The following KIF4A variants were observed in gnomAD, a reference collection of about 807,000 sequenced individuals.
The protein encoded by KIF4A is kinesin family member 4A.
A neutral mutation model predicts 105.9 loss-of-function variants in KIF4A; 7 were observed. That is an observed-to-expected ratio of 0.07 (90% CI 0.04 to 0.12). KIF4A has a LOEUF of 0.12. KIF4A is among the 10% of genes least tolerant of loss of function. The pLI is 1.00. For missense variants in KIF4A, 558 were observed against 929.2 expected, an observed-to-expected ratio of 0.60 and a Z score of 5.19; for synonymous variants, 281 against 331.3, an observed-to-expected ratio of 0.85 and a Z score of 1.65.
chrX:70,360,180 G>A (rs895250307), intron 15 of KIF4A, among the ~76,000 whole-genome samples: 1 of 112,091 alleles, frequency 8.9e-6, no homozygotes, highest in Non-Finnish European at 1.9e-5. Flanking sequence ...ACTCCTAGCT[G>A]ATTTCTTTTT....
intron 18 of KIF4A, 24 bp from the exon 19 acceptor site, chrX:70,386,594 A>T (rs763366576): frequency 3.4e-5 from 38 of 1,129,118 alleles, no homozygotes; most frequent in Non-Finnish European, 4.5e-5. Context: ...AACAGCAATT[A>T]ATATCTGACT....
chrX:70,365,330 A>G (rs1205476614), intron 15 of KIF4A, among the ~76,000 whole-genome samples: 1 of 111,644 alleles, frequency 9.0e-6, no homozygotes, highest in Non-Finnish European at 1.9e-5. Flanking sequence ...CAGTTTTCAA[A>G]GGGAATGCTT....
intron 15 of KIF4A, among the ~76,000 whole-genome samples, chrX:70,360,557 C>T (rs754405543): frequency 3.5e-5 from 4 of 113,328 alleles, no homozygotes; most frequent in Non-Finnish European, 7.5e-5. Flanking sequence ...GCCACGTCAA[C>T]AAGCGACATT....
chrX:70,302,627 G>A (rs1174393901), intron 7 of KIF4A, among the ~76,000 whole-genome samples: 1 of 111,853 alleles, frequency 8.9e-6, no homozygotes, highest in Admixed American at 9.5e-5. Context: ...TCTGGTCCAG[G>A]CAAGTTTTAG....
chrX:70,394,847 T>A (rs1384251778), intron 20 of KIF4A, among the ~76,000 whole-genome samples: 1 of 112,299 alleles, frequency 8.9e-6, no homozygotes, highest in Non-Finnish European at 1.9e-5. Flanking sequence ...GGAATTCTAC[T>A]CCATCTGATT....
intron 13 of KIF4A, among the ~76,000 whole-genome samples, chrX:70,350,164 G>A (rs1038631941): frequency 3.6e-5 from 4 of 111,554 alleles, no homozygotes; most frequent in Admixed American, 9.4e-5. Flanking sequence ...GTAGCGAGCC[G>A]AGATCACGCC....
chrX:70,337,915 C>T (rs1401456782), intron 10 of KIF4A, among the ~76,000 whole-genome samples: 1 of 111,789 alleles, frequency 8.9e-6, no homozygotes, highest in African/African-American at 3.2e-5. Flanking sequence ...TTTTTCCACA[C>T]CCTCACCAAT....
intron 15 of KIF4A, among the ~76,000 whole-genome samples, chrX:70,355,162 G>T (rs994214437): frequency 5.4e-5 from 6 of 111,578 alleles, no homozygotes; most frequent in Non-Finnish European, 1.1e-4. Context: ...AGTGAGAGAG[G>T]TGAGCAGAGC....
intron 7 of KIF4A, among the ~76,000 whole-genome samples, chrX:70,312,085 T>A (rs1458500873): frequency 1.8e-5 from 2 of 108,969 alleles, no homozygotes; most frequent in Non-Finnish European, 3.8e-5. Context: ...TTTATTTGGA[T>A]CAGGATACAA....
At chrX:70,411,646 A>C (rs6625606) in intron 28 of KIF4A, among the ~76,000 whole-genome samples, 47,548 of 109,771 alleles carry the variant, frequency 0.43, 8,418 homozygotes, top group Non-Finnish European at 0.55. Flanking sequence ...TGATGTAATT[A>C]GTCTGAGGTA....
At chrX:70,372,608 G>C (rs766273875) in intron 15 of KIF4A, among the ~76,000 whole-genome samples, 4 of 113,881 alleles carry the variant, frequency 3.5e-5, no homozygotes, top group Admixed American at 9.2e-5. Flanking sequence ...GTCCAGCTTC[G>C]GCTCGGCATC....
intron 15 of KIF4A, among the ~76,000 whole-genome samples, chrX:70,359,154 A>G (rs1296185316): frequency 8.9e-6 from 1 of 111,999 alleles, no homozygotes; most frequent in Non-Finnish European, 1.9e-5. Flanking sequence ...GTTTGTTGAT[A>G]TCTCTCAACT....
At chrX:70,361,936 C>G (rs1406541061) in intron 15 of KIF4A, among the ~76,000 whole-genome samples, 1 of 112,139 alleles carries the variant, frequency 8.9e-6, no homozygotes, top group Admixed American at 9.4e-5. Context: ...CCTGGGATGC[C>G]TCACCCTCTT....
chrX:70,414,050 C>T (rs2086333540), intron 28 of KIF4A, among the ~76,000 whole-genome samples: 1 of 110,809 alleles, frequency 9.0e-6, no homozygotes. Flanking sequence ...CCTTGTCAGT[C>T]GTGGTACAGT....
chrX:70,407,253 G>T (rs1168588162), intron 28 of KIF4A, among the ~76,000 whole-genome samples, 178 bp downstream of exon 28: 1 of 111,047 alleles, frequency 9.0e-6, no homozygotes, highest in African/African-American at 3.3e-5. Context: ...GATCACAGGC[G>T]TGTGCCACCA....
intron 29 of KIF4A, among the ~76,000 whole-genome samples, 158 bp from the exon 30 acceptor site, chrX:70,419,503 T>C (rs2086357961): frequency 8.9e-6 from 1 of 111,791 alleles, no homozygotes; most frequent in Admixed American, 9.5e-5. Context: ...ACAGAGCGTG[T>C]CAAACACTAT....
chrX:70,306,100 AGTTTCTTTTGCATCT>A (rs781471634), intron 7 of KIF4A, among the ~76,000 whole-genome samples: 81 of 112,175 alleles, frequency 7.2e-4, no homozygotes, highest in South Asian at 2.6e-3. Context: ...AGAGTGGTCC[AGTTTCTTTTGCATCT>A]GTATATGAGT....
Position 70,387,258 on chromosome X carries a change from T to A in KIF4A, c.2193T>A (p.Thr731=). The A allele has an allele frequency of 8.4e-7, 1 of 1,187,648 alleles. No homozygotes were observed. Among genetic ancestry groups the A allele is most frequent in the Non-Finnish European group, 1.1e-6 (1 of 883,239 alleles). Residue 731 remains threonine, a synonymous_variant, in exon 20 of 31, where the codon ACT becomes ACA. Coordinates refer to ENST00000374403, the MANE Select transcript of KIF4A (RefSeq NM_012310.5). ...QREVADKRKE[T]QSRGMEGTAA... is the part of the protein sequence containing the mutation. ...AGGTTGCAGATAAGCGGAAAGAGAC[T>A]CAGAGCCGTGGAATGGAAGGCACTG...
intron 24 of KIF4A, 36 bp from the exon 25 acceptor site, chrX:70,404,679 C>T (rs1456721443): frequency 3.8e-6 from 4 of 1,065,797 alleles, no homozygotes; most frequent in African/African-American, 1.8e-5. Context: ...CCCTTGGTAC[C>T]TTTGTTACCA....
Sources: gnomAD v4.1 joint callset for allele counts (sites outside exome capture counted in the v4.1 genomes callset) on GRCh38, gnomAD v4.1.1 for gene constraint, MANE v1.5 for transcripts, NCBI Gene and HGNC (gene_info 2026-07-23, HGNC 2026-07-21) for gene names.